Variants in SLC2A13 observed in about 807,000 individuals in gnomAD.
SLC2A13 encodes proton myo-inositol cotransporter.
In SLC2A13, 32 loss-of-function variants were observed where a neutral mutation model predicts 64.4. That is an observed-to-expected ratio of 0.50 (90% CI 0.37 to 0.67). The LOEUF is 0.67. SLC2A13 is among the 30% of genes least tolerant of loss of function. The pLI is 0.00. For missense variants in SLC2A13, 743 were observed against 829.2 expected (o/e 0.90, Z 1.28); for synonymous variants, 338 against 327.1 (o/e 1.03, Z -0.36).
chr12:39,827,770 A>G (rs1404015552), intron 7 of SLC2A13, among the ~76,000 whole-genome samples: 7 of 152,176 alleles, frequency 4.6e-5, no homozygotes, highest in African/African-American at 1.7e-4. Context: ...TTTCCAACTA[A>G]TCTCATAGTT....
At position 39,850,877 on chromosome 12, in the gene SLC2A13, T is replaced by G. The variant is rs1358684822; in HGVS notation, c.1319+13885A>C. Reference sequence around the variant, plus strand: ...ATAAAAATGAAATATCAGGAAGAGCTGAATATTTAGGCCCCACAAAGTTAA... The same window carrying G: ...ATAAAAATGAAATATCAGGAAGAGCGGAATATTTAGGCCCCACAAAGTTAA... On this transcript the variant is annotated intron_variant, in intron 6 of 9. Coordinates refer to ENST00000280871, the MANE Select transcript of SLC2A13 (RefSeq NM_052885.4). 2.0e-5 allele frequency among the ~76,000 whole-genome samples: 3 copies of G among 152,040 alleles called. No homozygotes were observed. The East Asian group carries it at 5.8e-4, about 29-fold the overall frequency.
At chr12:40,074,815 G>A (rs1938105453) in intron 1 of SLC2A13, among the ~76,000 whole-genome samples, 1 of 152,202 alleles carries the variant, frequency 6.6e-6, no homozygotes, top group Admixed American at 6.5e-5. Context: ...AGGAGAAGGA[G>A]AAACACTCTA....
At chr12:39,867,220 G>T (rs1196087904) in intron 5 of SLC2A13, among the ~76,000 whole-genome samples, 1 of 152,148 alleles carries the variant, frequency 6.6e-6, no homozygotes, top group Non-Finnish European at 1.5e-5. Context: ...CAACAGGTAA[G>T]ATTTTTTAAA....
chr12:39,949,319 C>G (rs974086202), intron 4 of SLC2A13, among the ~76,000 whole-genome samples: 2 of 152,184 alleles, frequency 1.3e-5, no homozygotes, highest in East Asian at 3.9e-4. Flanking sequence ...CCATCATTTA[C>G]TTTATTTTAT....
chr12:39,918,849 C>T (rs1945563683), intron 4 of SLC2A13, among the ~76,000 whole-genome samples: 1 of 20,492 alleles, frequency 4.9e-5, no homozygotes, highest in East Asian at 1.6e-3. Flanking sequence ...GAGACTCTGT[C>T]TCAAAAAAAA....
Position 39,755,533 on chromosome 12 carries a change from A to G in SLC2A13, c.*4493T>C, listed in dbSNP as rs1012383139. The G allele has an allele frequency of 2.0e-5, 3 of 152,096 alleles. No individual in the cohort carries two copies. Among genetic ancestry groups the G allele is most frequent in the Non-Finnish European group, 4.4e-5 (3 of 67,904 alleles). 9.4% of individuals were successfully genotyped at this position (152,096 alleles called of 1,614,324 possible). ...AGACAGTTTGGACGTGTAGAATATA[A>G]ATTTCTACTTTGGCTAGAGTTGTCT... On this transcript the variant is annotated 3_prime_UTR_variant, in exon 10 of 10. Coordinates refer to ENST00000280871, the MANE Select transcript of SLC2A13 (RefSeq NM_052885.4).
chr12:39,812,379 T>TTTC (rs761651915), intron 7 of SLC2A13, among the ~76,000 whole-genome samples: 2 of 138,204 alleles, frequency 1.4e-5, no homozygotes, highest in Admixed American at 7.3e-5. Context: ...TTTCTTTTCT[T>TTTC]TTCTTTCTTT....
chr12:39,932,896 A>T (rs1348105875), intron 4 of SLC2A13, among the ~76,000 whole-genome samples: 1 of 151,820 alleles, frequency 6.6e-6, no homozygotes, highest in Non-Finnish European at 1.5e-5. Flanking sequence ...GATGATGGAG[A>T]AGATGGGGGA....
At chr12:39,993,423 G>C (rs10877913) in intron 3 of SLC2A13, among the ~76,000 whole-genome samples, 10,383 of 152,294 alleles carry the variant, frequency 0.068, 725 homozygotes, top group East Asian at 0.4. Flanking sequence ...TGCTGTTTAA[G>C]AGATAGATGC....
At chr12:39,994,276 G>A (rs921529455) in intron 3 of SLC2A13, among the ~76,000 whole-genome samples, 3 of 151,640 alleles carry the variant, frequency 2.0e-5, no homozygotes, top group Non-Finnish European at 2.9e-5. Flanking sequence ...CCAGCTACTC[G>A]GCAGGCTGAG....
chr12:39,940,005 C>G (rs1945991383), intron 4 of SLC2A13, among the ~76,000 whole-genome samples: 1 of 152,080 alleles, frequency 6.6e-6, no homozygotes, highest in Non-Finnish European at 1.5e-5. Context: ...TTCCTGATTC[C>G]TGGGTTAATA....
intron 1 of SLC2A13, among the ~76,000 whole-genome samples, chr12:40,066,983 G>C (rs995535848): frequency 6.6e-6 from 1 of 152,224 alleles, no homozygotes; most frequent in African/African-American, 2.4e-5. Flanking sequence ...TATATGTTAT[G>C]TGGCATATAG....
chr12:39,937,119 C>A (rs1945930682), intron 4 of SLC2A13, among the ~76,000 whole-genome samples: 2 of 152,036 alleles, frequency 1.3e-5, no homozygotes, highest in African/African-American at 4.8e-5. Flanking sequence ...GTGATGAGAG[C>A]CTGGATAGTG....
chr12:40,033,902 G>A (rs986668495), intron 2 of SLC2A13, among the ~76,000 whole-genome samples: 1 of 152,156 alleles, frequency 6.6e-6, no homozygotes, highest in African/African-American at 2.4e-5. Flanking sequence ...GCATCCCAAA[G>A]GTTTCCCCAA....
chr12:39,981,925 C>T (rs1946913503), intron 3 of SLC2A13, among the ~76,000 whole-genome samples: 1 of 99,758 alleles, frequency 1.0e-5, no homozygotes, highest in African/African-American at 4.0e-5. Flanking sequence ...CAAAAATCCT[C>T]AATAAAATAC....
At chr12:40,039,266 T>C (rs1432377500) in intron 2 of SLC2A13, among the ~76,000 whole-genome samples, 1 of 152,218 alleles carries the variant, frequency 6.6e-6, no homozygotes, top group Non-Finnish European at 1.5e-5. Context: ...AGCCTTCCTA[T>C]ACTCACTTTT....
In SLC2A13 at chr12:39,856,833, G is replaced by A. The variant is rs570785900; in HGVS notation, c.1319+7929C>T. On this transcript the variant is annotated intron_variant, in intron 6 of 9. Coordinates refer to ENST00000280871, the MANE Select transcript of SLC2A13 (RefSeq NM_052885.4). Reference sequence around the variant, plus strand: ...TGTTTTAAGTGTTAATAGCTGAATTGTTTTCGTTTCATACAAACTTAATTA... The same window carrying A: ...TGTTTTAAGTGTTAATAGCTGAATTATTTTCGTTTCATACAAACTTAATTA... Among the ~76,000 whole-genome samples, 12 of 152,270 alleles carry A rather than the reference G, an allele frequency of 7.9e-5. No homozygotes were observed. The South Asian group carries it at 2.5e-3, about 32-fold the overall frequency.
intron 3 of SLC2A13, among the ~76,000 whole-genome samples, chr12:40,000,138 C>T (rs1947299248): frequency 6.6e-6 from 1 of 152,162 alleles, no homozygotes; most frequent in Non-Finnish European, 1.5e-5. Flanking sequence ...CCATGTAAGC[C>T]ATGACTTACC....
chr12:39,856,429 C>T (rs1486265827), intron 6 of SLC2A13, among the ~76,000 whole-genome samples: 1 of 152,114 alleles, frequency 6.6e-6, no homozygotes, highest in African/African-American at 2.4e-5. Flanking sequence ...TGTGCAGTGG[C>T]GTGATCTCGG....
Sources: gnomAD v4.1 joint callset for allele counts (sites outside exome capture counted in the v4.1 genomes callset) on GRCh38, gnomAD v4.1.1 for gene constraint, MANE v1.5 for transcripts, NCBI Gene and HGNC (gene_info 2026-07-23, HGNC 2026-07-21) for gene names.